Variants in PDE4D observed in about 807,000 individuals in gnomAD.
PDE4D encodes 3',5'-cyclic-AMP phosphodiesterase 4D.
PDE4D carries 24 observed loss-of-function variants against 87.4 expected under a neutral mutation model. The observed-to-expected ratio is 0.27, with a 90% CI of 0.20 to 0.39. PDE4D has a LOEUF of 0.39. PDE4D is among the 10% of genes least tolerant of loss of function. The pLI is 1.00. For missense variants in PDE4D, 714 were observed against 1,041.0 expected (o/e 0.69, Z 4.32); for synonymous variants, 384 against 383.2 (o/e 1.00, Z -0.02).
intron 1 of PDE4D, among the ~76,000 whole-genome samples, chr5:59,266,410 G>C (rs918083631): frequency 6.6e-6 from 1 of 151,822 alleles, no homozygotes; most frequent in African/African-American, 2.4e-5. Context: ...ATTGGGGTTA[G>C]GGGTGGGGAA....
At chr5:59,846,448 C>T (rs1035931887) in intron 1 of PDE4D, among the ~76,000 whole-genome samples, 8 of 152,006 alleles carry the variant, frequency 5.3e-5, no homozygotes, top group African/African-American at 1.9e-4. Flanking sequence ...CAAGCCTTTC[C>T]GTAGAAATTC....
intron 1 of PDE4D, among the ~76,000 whole-genome samples, chr5:60,433,661 G>A (rs1744535982): frequency 6.6e-6 from 1 of 152,036 alleles, no homozygotes; most frequent in Admixed American, 6.6e-5. Flanking sequence ...ACAAAGACAA[G>A]GTATCAACCA....
At chr5:59,931,607 A>T (rs1291410939) in intron 3 of PDE4D, among the ~76,000 whole-genome samples, 1 of 151,914 alleles carries the variant, frequency 6.6e-6, no homozygotes, top group African/African-American at 2.4e-5. Context: ...CCAGAAATCA[A>T]TTAATCTATT....
intron 1 of PDE4D, among the ~76,000 whole-genome samples, chr5:59,303,822 G>A (rs1770742209): frequency 6.6e-6 from 1 of 152,114 alleles, no homozygotes. Context: ...ATCAGGTAGT[G>A]TGATGCCTCC....
In PDE4D at chr5:59,264,271, C is replaced by A. The variant is rs116674508; in HGVS notation, c.456-48303G>T. On this transcript the variant is annotated intron_variant, in intron 1 of 14. Transcript: ENST00000340635. ...ATTATTCCAGGCAGCTACTGCTATT[C>A]GTAATTACAAGTTGCCCATAGATTA... Among the ~76,000 whole-genome samples the A allele has an allele frequency of 2.2e-3, 334 of 152,030 alleles. 1 individual carries two copies. The highest frequency in any genetic ancestry group is 7.5e-3 in the African/African-American group (311 of 41,518).
At chr5:60,059,263 T>C (rs905206909) in intron 2 of PDE4D, among the ~76,000 whole-genome samples, 8 of 152,122 alleles carry the variant, frequency 5.3e-5, no homozygotes, top group Non-Finnish European at 8.8e-5. Flanking sequence ...TCTTGCATTC[T>C]AGTAGCAACT....
At chr5:59,593,703 C>G (rs1826236286) in intron 1 of PDE4D, among the ~76,000 whole-genome samples, 1 of 152,148 alleles carries the variant, frequency 6.6e-6, no homozygotes, top group Admixed American at 6.6e-5. Context: ...GCAGAAACCT[C>G]CAAGAGAACC....
At chr5:59,080,810 A>G (rs1766600839) in intron 5 of PDE4D, among the ~76,000 whole-genome samples, 1 of 152,248 alleles carries the variant, frequency 6.6e-6, no homozygotes, top group Admixed American at 6.5e-5. Context: ...ATTTAATCTT[A>G]TAGACCATGA....
chr5:60,124,309 C>T (rs1027041062), intron 2 of PDE4D, among the ~76,000 whole-genome samples: 4 of 152,152 alleles, frequency 2.6e-5, no homozygotes, highest in African/African-American at 9.7e-5. Context: ...TTATTTCTTA[C>T]AATATTTCAG....
intron 6 of PDE4D, among the ~76,000 whole-genome samples, chr5:59,032,545 C>T (rs921226097): frequency 6.6e-6 from 1 of 152,184 alleles, no homozygotes; most frequent in African/African-American, 2.4e-5. Flanking sequence ...TATCACTGTA[C>T]TCCAGCCTGG....
rs144474416 is a variant in PDE4D at position 59,731,542 on chromosome 5, C to T, written c.455+161626G>A. On this transcript the variant is annotated intron_variant, in intron 1 of 14. Coordinates refer to ENST00000340635, the MANE Select transcript of PDE4D (RefSeq NM_001104631.2). ...TTCAACCATTGTTAGTTTTCTATTG[C>T]TTATAGCTGAATGCATTTTAAACTG... Among the ~76,000 whole-genome samples the T allele has an allele frequency of 1.8e-3, 267 of 148,030 alleles. 1 individual carries two copies. Among genetic ancestry groups the T allele is most frequent in the African/African-American group, 6.0e-3 (240 of 39,930 alleles).
intron 3 of PDE4D, chr5:59,986,407 T>C (rs1355215226): frequency 6.6e-6 from 1 of 152,212 alleles, no homozygotes; most frequent in African/African-American, 2.4e-5. Context: ...ATTAGGTATA[T>C]TGCATCATTT....
At chr5:59,875,955 A>G (rs1259921766) in intron 1 of PDE4D, among the ~76,000 whole-genome samples, 2 of 152,206 alleles carry the variant, frequency 1.3e-5, no homozygotes, top group East Asian at 1.9e-4. Context: ...ACTGGGGCCT[A>G]TTGGAGGCTG....
intron 1 of PDE4D, among the ~76,000 whole-genome samples, chr5:59,387,541 T>C (rs372309): frequency 0.67 from 101,166 of 151,970 alleles, 34,445 homozygotes; most frequent in African/African-American, 0.79. Flanking sequence ...ATAGTTCCAT[T>C]GTATTTCCAT....
At chr5:59,381,987 T>A (rs1785961486) in intron 1 of PDE4D, among the ~76,000 whole-genome samples, 1 of 152,176 alleles carries the variant, frequency 6.6e-6, no homozygotes, top group Non-Finnish European at 1.5e-5. Context: ...TGAAAAGGCA[T>A]CTTTTCCTCA....
intron 1 of PDE4D, among the ~76,000 whole-genome samples, chr5:59,454,802 T>C (rs2153642613): frequency 6.6e-6 from 1 of 152,322 alleles, no homozygotes; most frequent in Middle Eastern, 3.4e-3. Context: ...AGGTCCAGGC[T>C]GAGGTGGTCT....
At chr5:59,200,206 T>G (rs114160397) in intron 2 of PDE4D, among the ~76,000 whole-genome samples, 1 of 144,300 alleles carries the variant, frequency 6.9e-6, no homozygotes, top group Non-Finnish European at 1.5e-5. Context: ...CGTGTATGTA[T>G]AGATACACGT....
intron 1 of PDE4D, among the ~76,000 whole-genome samples, chr5:59,398,077 T>C (rs1486662393): frequency 2.1e-5 from 3 of 145,408 alleles, no homozygotes; most frequent in Non-Finnish European, 4.5e-5. Context: ...TCTGAAATTG[T>C]GGCAATAATC....
chr5:58,975,084 G>A lies in PDE4D; in HGVS notation c.2014-4C>T. The A allele has an allele frequency of 6.8e-7, 1 of 1,462,518 alleles. No individual in the cohort carries two copies. Among genetic ancestry groups the A allele is most frequent in the East Asian group, 2.3e-5 (1 of 43,202 alleles). 90.6% of individuals were successfully genotyped at this position (1,462,518 alleles called of 1,614,324 possible). A position where few individuals can be genotyped will look rare whatever the true frequency, so the allele number is the denominator to read the frequency against. ...CAATATAGTCTATGAAGCCCACCTA[G>A]TTAAGAAAAAAATCCAGTATGAGTA... On this transcript the variant is annotated splice_region_variant and splice_polypyrimidine_tract_variant and intron_variant, in intron 14 of 14. Transcript: ENST00000340635. The surrounding 1 kb of genome is among the most constrained non-coding windows in gnomAD (Gnocchi z 4.2).
Sources: gnomAD v4.1 joint callset for allele counts (sites outside exome capture counted in the v4.1 genomes callset) on GRCh38, gnomAD v4.1.1 for gene constraint, Gnocchi (gnomAD v3.1) non-coding constraint, MANE v1.5 for transcripts, NCBI Gene and HGNC (gene_info 2026-07-23, HGNC 2026-07-21) for gene names.